The following DNAH11 variants were observed in gnomAD, a reference collection of about 807,000 sequenced individuals.
The protein encoded by DNAH11 is axonemal beta dynein heavy chain 11.
In DNAH11, 442 loss-of-function variants were observed where a neutral mutation model predicts 526.0. That is an observed-to-expected ratio of 0.84 (90% confidence interval 0.78 to 0.91). DNAH11 has a LOEUF of 0.91. Among genes scored for constraint, DNAH11 ranks in the 40% least tolerant of loss-of-function variants. DNAH11 has a pLI of 0.00. For missense variants in DNAH11, 6,989 were observed against 5,448.7 expected (o/e 1.28, Z -8.90); for synonymous variants, 2,461 against 1,935.9 (o/e 1.27, Z -7.12).
chr7:21,869,155 G>A (rs1233327865), intron 73 of DNAH11, among the ~76,000 whole-genome samples, 164 bp downstream of exon 73: 1 of 152,292 alleles, frequency 6.6e-6, no homozygotes, highest in African/African-American at 2.4e-5. Flanking sequence ...GATGGTGAGG[G>A]GCTCTGCGGA....
intron 36 of DNAH11, among the ~76,000 whole-genome samples, chr7:21,701,634 G>A (rs1002429507): frequency 2.0e-5 from 3 of 152,002 alleles, no homozygotes; most frequent in Non-Finnish European, 4.4e-5. Flanking sequence ...TTTTCATTTC[G>A]TTCCCTTTTA....
chr7:21,748,843 A>G, intron 52 of DNAH11, 101 bp downstream of exon 52: 1 of 1,288,388 alleles, frequency 7.8e-7, no homozygotes, highest in South Asian at 2.1e-5. Flanking sequence ...AGATTTGGCC[A>G]AGGCCTCCCC....
intron 58 of DNAH11, 130 bp from the exon 59 acceptor site, chr7:21,786,494 A>G: frequency 4.9e-6 from 6 of 1,216,030 alleles, no homozygotes; most frequent in Non-Finnish European, 6.7e-6. Context: ...GTGGCAAAGA[A>G]TTGCCAAATT....
At chr7:21,585,300 T>A (rs1485773012) in intron 9 of DNAH11, among the ~76,000 whole-genome samples, 1 of 152,126 alleles carries the variant, frequency 6.6e-6, no homozygotes, top group Non-Finnish European at 1.5e-5. Flanking sequence ...TGAAATAACA[T>A]GCTGATGAGG....
At chr7:21,730,475 A>G (rs368591144) in intron 45 of DNAH11, among the ~76,000 whole-genome samples, 81 of 152,354 alleles carry the variant, frequency 5.3e-4, no homozygotes, top group African/African-American at 1.8e-3. Context: ...TGTGGTCACA[A>G]ACATTTCAGA....
chr7:21,727,660 G>A (rs922495386), intron 45 of DNAH11, among the ~76,000 whole-genome samples: 5 of 152,072 alleles, frequency 3.3e-5, no homozygotes, highest in Admixed American at 3.3e-4. Flanking sequence ...TCATTTTGGA[G>A]CTTATTATTT....
intron 65 of DNAH11, among the ~76,000 whole-genome samples, chr7:21,825,796 A>G (rs1442313289): frequency 6.6e-6 from 1 of 152,014 alleles, no homozygotes; most frequent in Admixed American, 6.6e-5. Context: ...CTTCTCTACT[A>G]AAAATACAAA....
rs757031567 is a variant in DNAH11, at chr7:21,741,972, CT to C, written c.7961del (p.Leu2654GlnfsTer29). ...ATTCAATTTTCCATCTTTGGATGCA[CT>C]AAACACCATCTATGGCCAAATCTTT... ...FAFNFPSLDA[L>X]NTIYGQIFSF... On this transcript the variant is annotated frameshift_variant, in exon 49 of 82. Transcript: ENST00000409508. LOFTEE classifies it high-confidence loss of function. The C allele has an allele frequency of 9.9e-6, 16 of 1,613,776 alleles. No homozygotes were observed. Among genetic ancestry groups the C allele is most frequent in the Non-Finnish European group, 1.3e-5 (15 of 1,179,846 alleles).
chr7:21,761,964 A>G (rs1006477802), intron 54 of DNAH11, among the ~76,000 whole-genome samples: 3 of 152,230 alleles, frequency 2.0e-5, no homozygotes, highest in African/African-American at 7.2e-5. Flanking sequence ...GAGAGGCCTC[A>G]GGAAACTTAT....
In DNAH11 at chr7:21,901,436, G is replaced by A. The variant is rs184252510; in HGVS notation, c.*182G>A. 1.4e-4 allele frequency: 117 copies of A among 813,318 alleles called. No individual in the cohort carries two copies. Among genetic ancestry groups the A allele is most frequent in the South Asian group, 2.5e-4 (7 of 28,512 alleles). The allele number at this position is 813,318 out of a possible 1,614,324, so 50.4% of individuals were successfully genotyped here. A position where few individuals can be genotyped will look rare whatever the true frequency, so the allele number is the denominator to read the frequency against. ...ACTAGAAACTAACTCAGGGCTGAGC[G>A]TGGTGGCACACGACTGTAATCCCAG... On this transcript the variant is annotated 3_prime_UTR_variant, in exon 82 of 82. Transcript: ENST00000409508.
At chr7:21,749,877 G>C (rs954601929) in intron 53 of DNAH11, 76 bp downstream of exon 53, 4 of 1,587,616 alleles carry the variant, frequency 2.5e-6, no homozygotes, top group Non-Finnish European at 3.4e-6. Flanking sequence ...ACTTTAAAGA[G>C]AGAGAATTCG....
At chr7:21,839,167 T>A (rs1282523308) in intron 65 of DNAH11, among the ~76,000 whole-genome samples, 1 of 152,206 alleles carries the variant, frequency 6.6e-6, no homozygotes, top group Non-Finnish European at 1.5e-5. Flanking sequence ...TTAGTTCTTT[T>A]ACCCATCTTT....
intron 66 of DNAH11, chr7:21,851,786 C>T (rs2128023577): frequency 4.9e-6 from 2 of 408,398 alleles, no homozygotes; most frequent in South Asian, 1.8e-5. Flanking sequence ...CCTGTGACCT[C>T]CGTTCTCTGA....
chr7:21,582,555 C>A (rs189437284), intron 9 of DNAH11, among the ~76,000 whole-genome samples: 1 of 152,154 alleles, frequency 6.6e-6, no homozygotes, highest in African/African-American at 2.4e-5. Flanking sequence ...GTATTTCAGT[C>A]GCAGAGATTT....
intron 61 of DNAH11, among the ~76,000 whole-genome samples, chr7:21,794,812 C>A (rs1788638144): frequency 6.6e-6 from 1 of 152,120 alleles, no homozygotes; most frequent in Admixed American, 6.6e-5. Context: ...AGTTTTCTTG[C>A]AAGGGAATGT....
intron 49 of DNAH11, 123 bp downstream of exon 49, chr7:21,742,289 G>T: frequency 8.5e-7 from 1 of 1,177,884 alleles, no homozygotes; most frequent in Non-Finnish European, 1.2e-6. Flanking sequence ...AAAGAAAAGA[G>T]GTTTAATTGG....
At chr7:21,639,125 C>T in intron 28 of DNAH11, 60 bp downstream of exon 28, 3 of 1,507,920 alleles carry the variant, frequency 2.0e-6, no homozygotes, top group East Asian at 2.3e-5. Flanking sequence ...GTCATAGCGT[C>T]TCTATCATTG....
At chr7:21,743,905 G>C (rs1202919712) in intron 49 of DNAH11, among the ~76,000 whole-genome samples, 1 of 152,136 alleles carries the variant, frequency 6.6e-6, no homozygotes, top group Non-Finnish European at 1.5e-5. Context: ...CTCTCTCCAT[G>C]AGGAGTGAGT....
intron 2 of DNAH11, among the ~76,000 whole-genome samples, chr7:21,555,972 C>T (rs1047370936): frequency 1.1e-4 from 17 of 152,136 alleles, no homozygotes; most frequent in Non-Finnish European, 1.8e-4. Flanking sequence ...CTTTTAATGG[C>T]GGTCTTGCAA....
Sources: gnomAD v4.1 joint callset for allele counts (sites outside exome capture counted in the v4.1 genomes callset) on GRCh38, gnomAD v4.1.1 for gene constraint, MANE v1.5 for transcripts, NCBI Gene and HGNC (gene_info 2026-07-23, HGNC 2026-07-21) for gene names.